Variants in CLVS1 observed in about 807,000 individuals in gnomAD.
CLVS1 encodes the protein clavesin 1, also known as clavesin-1.
In CLVS1, 10 loss-of-function variants were observed where a neutral mutation model predicts 33.1. That is an observed-to-expected ratio of 0.30 (90% CI 0.19 to 0.51). The LOEUF (loss-of-function observed/expected upper bound fraction) is 0.51, where lower values mean the gene tolerates loss of function less well. Among genes scored for constraint, CLVS1 ranks in the 20% least tolerant of loss-of-function variants. CLVS1 has a pLI of 0.97. For missense variants in CLVS1, 343 were observed against 433.4 expected (o/e 0.79, Z 1.85); for synonymous variants, 163 against 166.1 (o/e 0.98, Z 0.14).
intron 2 of CLVS1, among the ~76,000 whole-genome samples, chr8:61,237,216 G>T (rs958195470): frequency 2.6e-5 from 4 of 152,184 alleles, no homozygotes; most frequent in African/African-American, 9.7e-5. Flanking sequence ...AAGGTAGCAA[G>T]CTACTGGTCA....
chr8:61,078,682 G>A (rs904181131), intron 1 of CLVS1, among the ~76,000 whole-genome samples: 4 of 151,982 alleles, frequency 2.6e-5, no homozygotes, highest in Non-Finnish European at 5.9e-5. Flanking sequence ...TTATTTTTGG[G>A]GTGTTAGTCA....
chr8:61,482,211 AAAGACCAAAGGT>A (rs1406990661), intron 5 of CLVS1, among the ~76,000 whole-genome samples: 1 of 152,232 alleles, frequency 6.6e-6, no homozygotes, highest in African/African-American at 2.4e-5. Flanking sequence ...CACCAACATC[AAAGACCAAAGGT>A]AGGTAAAACC....
chr8:61,253,624 T>G (rs993905619), intron 2 of CLVS1, among the ~76,000 whole-genome samples: 18 of 152,290 alleles, frequency 1.2e-4, no homozygotes, highest in African/African-American at 4.3e-4. Flanking sequence ...TCATTTCTTT[T>G]TATTATTTTT....
At chr8:61,106,329 T>C (rs1297062992) in intron 1 of CLVS1, among the ~76,000 whole-genome samples, 3 of 152,228 alleles carry the variant, frequency 2.0e-5, no homozygotes, top group African/African-American at 7.2e-5. Flanking sequence ...GGCTCGCTGT[T>C]GATTTTATCA....
intron 2 of CLVS1, among the ~76,000 whole-genome samples, chr8:61,156,788 AG>A (rs1806660144): frequency 6.6e-6 from 1 of 152,234 alleles, no homozygotes; most frequent in African/African-American, 2.4e-5. Flanking sequence ...AAGGGGAAAT[AG>A]GAAAATAAAA....
chr8:61,205,503 C>T (rs1352321642), intron 2 of CLVS1, among the ~76,000 whole-genome samples: 1 of 152,154 alleles, frequency 6.6e-6, no homozygotes, highest in Non-Finnish European at 1.5e-5. Flanking sequence ...TCTATTGACT[C>T]ATCAGTGGAT....
At chr8:61,291,096 A>G (rs1421825710) in intron 1 of CLVS1, among the ~76,000 whole-genome samples, 4 of 152,202 alleles carry the variant, frequency 2.6e-5, no homozygotes, top group Non-Finnish European at 5.9e-5. Context: ...CTGCCCCATA[A>G]AAAGCTTCCA....
At chr8:61,331,592 A>G (rs1427632833) in intron 2 of CLVS1, among the ~76,000 whole-genome samples, 2 of 148,706 alleles carry the variant, frequency 1.3e-5, no homozygotes, top group Admixed American at 1.3e-4. Context: ...TCTTCAGGAG[A>G]TTTCCTCAAC....
intron 2 of CLVS1, among the ~76,000 whole-genome samples, chr8:61,256,005 T>C (rs1490878545): frequency 6.6e-6 from 1 of 152,174 alleles, no homozygotes; most frequent in East Asian, 1.9e-4. Flanking sequence ...TAAGTGTATA[T>C]TTCAGTGGCA....
chr8:61,105,474 C>G (rs932810103), intron 1 of CLVS1, among the ~76,000 whole-genome samples: 6 of 152,154 alleles, frequency 3.9e-5, no homozygotes, highest in Non-Finnish European at 8.8e-5. Context: ...TACTTAAAAC[C>G]CCGGTGAGGT....
chr8:61,381,081 C>T (rs913318754), intron 3 of CLVS1, among the ~76,000 whole-genome samples: 1 of 151,920 alleles, frequency 6.6e-6, no homozygotes, highest in African/African-American at 2.4e-5. Context: ...CATTTTCATG[C>T]TCATGTCATT....
chr8:60,966,803 A>C, the CLVS1 span, among the ~76,000 whole-genome samples: 1 of 152,218 alleles, frequency 6.6e-6, no homozygotes, highest in South Asian at 2.1e-4. Context: ...ATACACATAC[A>C]CACAATATTG....
In CLVS1 at chr8:61,267,141, C is replaced by T. The variant is rs1809325035; in HGVS notation, c.-151-32536C>T. Among the ~76,000 whole-genome samples, 3 of 152,314 alleles carry T rather than the reference C, an allele frequency of 2.0e-5. No homozygotes were observed. In the South Asian group the frequency reaches 6.2e-4, roughly 32 times the overall value. On this transcript the variant is annotated intron_variant, in intron 2 of 2. Transcript: ENST00000522621. ...AGAAAGAAATGCATGTTCTGATCAT[C>T]TGCAGATTTCAGTTTCCCTGTTACC... is the stretch of plus-strand genomic sequence containing the variant.
At chr8:61,431,463 A>G (rs563273759) in intron 3 of CLVS1, among the ~76,000 whole-genome samples, 1 of 152,262 alleles carries the variant, frequency 6.6e-6, no homozygotes, top group Admixed American at 6.5e-5. Context: ...GGGAAATACT[A>G]GTTTAGTCTC....
chr8:61,011,400 A>G, the CLVS1 span, among the ~76,000 whole-genome samples: 2 of 152,036 alleles, frequency 1.3e-5, no homozygotes, highest in Non-Finnish European at 2.9e-5. Context: ...CTGTGCTTTG[A>G]CCCATTTTAT....
chr8:61,062,029 G>C (rs186446334), intron 1 of CLVS1, among the ~76,000 whole-genome samples: 1 of 152,162 alleles, frequency 6.6e-6, no homozygotes, highest in East Asian at 1.9e-4. Context: ...TTTTTCAAAA[G>C]ATGCAGTGAA....
intron 2 of CLVS1, among the ~76,000 whole-genome samples, chr8:61,189,913 C>T (rs1276689664): frequency 6.6e-6 from 1 of 152,118 alleles, no homozygotes; most frequent in Non-Finnish European, 1.5e-5. Context: ...GACTCCCACA[C>T]AATAATAATG....
intron 1 of CLVS1, among the ~76,000 whole-genome samples, chr8:61,123,535 G>A (rs1449792421): frequency 6.6e-6 from 1 of 152,106 alleles, no homozygotes; most frequent in Non-Finnish European, 1.5e-5. Context: ...ATGTTTTGGA[G>A]AAAATTTTAA....
At position 61,296,211 on chromosome 8, in the gene CLVS1, A is replaced by G. The variant is rs73682214; in HGVS notation, c.-151-3466A>G. 8.4e-3 allele frequency among the ~76,000 whole-genome samples: 1,286 copies of G among 152,282 alleles called. 21 individuals are homozygous for G. The highest frequency in any genetic ancestry group is 0.029 in the African/African-American group (1,206 of 41,550). ...AATGGAAAATATCTATGTTATCCTAAGTTATGAAACCCAGTGACCCTGGCT... is the reference window on the plus strand; with the variant it reads ...AATGGAAAATATCTATGTTATCCTAGGTTATGAAACCCAGTGACCCTGGCT... On this transcript the variant is annotated intron_variant, in intron 1 of 5. Transcript: ENST00000325897.
Sources: gnomAD v4.1 joint callset for allele counts (sites outside exome capture counted in the v4.1 genomes callset) on GRCh38, gnomAD v4.1.1 for gene constraint, MANE v1.5 for transcripts, NCBI Gene and HGNC (gene_info 2026-07-23, HGNC 2026-07-21) for gene names.